Variants in TMEM132D observed in about 807,000 individuals in gnomAD.
TMEM132D encodes the protein transmembrane protein 132D.
In TMEM132D, 21 loss-of-function variants were observed where a neutral mutation model predicts 62.3. The ratio of observed to expected loss-of-function variants is 0.34; its 90% confidence interval spans 0.24 to 0.49. The LOEUF (loss-of-function observed/expected upper bound fraction) is 0.49, where lower values mean the gene tolerates loss of function less well. Among genes scored for constraint, TMEM132D ranks in the 20% least tolerant of loss-of-function variants. The pLI is 0.99. For synonymous variants in TMEM132D, 621 were observed against 575.6 expected (o/e 1.08, Z -1.13); for missense variants, 1,346 against 1,402.8 (o/e 0.96, Z 0.65).
rs186070559 is a variant in TMEM132D at position 129,801,129 on chromosome 12, G to C, written c.80-100431C>G. Among the ~76,000 whole-genome samples, 1,168 of 152,326 alleles carry C rather than the reference G, an allele frequency of 7.7e-3. 21 individuals carry two copies. The highest frequency in any genetic ancestry group is 0.027 in the African/African-American group (1,126 of 41,576). ...AGATCAAACTGCAAGGCAGCAGCGAGGTTGGGGGAGGGGCGCCCGCCATTG... is the reference window on the plus strand; with the variant it reads ...AGATCAAACTGCAAGGCAGCAGCGACGTTGGGGGAGGGGCGCCCGCCATTG... On this transcript the variant is annotated intron_variant, in intron 1 of 8. Transcript: ENST00000422113.
At chr12:129,360,584 C>T (rs777231277) in intron 3 of TMEM132D, among the ~76,000 whole-genome samples, 3 of 152,142 alleles carry the variant, frequency 2.0e-5, no homozygotes, top group Non-Finnish European at 4.4e-5. Context: ...TAGCCACACC[C>T]ACCTTCCATC....
At chr12:129,646,296 C>T (rs1223264493) in intron 2 of TMEM132D, among the ~76,000 whole-genome samples, 1 of 152,120 alleles carries the variant, frequency 6.6e-6, no homozygotes, top group African/African-American at 2.4e-5. Context: ...ATTATTTTAC[C>T]CACTTTGCAG....
At chr12:129,603,057 T>C (rs893654779) in intron 2 of TMEM132D, among the ~76,000 whole-genome samples, 22 of 152,094 alleles carry the variant, frequency 1.4e-4, no homozygotes, top group African/African-American at 5.3e-4. Context: ...CACATGGGGA[T>C]TATGGGAACT....
At chr12:129,368,412 G>A (rs1008645888) in intron 3 of TMEM132D, among the ~76,000 whole-genome samples, 10 of 152,036 alleles carry the variant, frequency 6.6e-5, no homozygotes, top group Non-Finnish European at 1.0e-4. Context: ...CTATAACCAC[G>A]TCTTTTGCAT....
chr12:129,740,551 T>C (rs1315678676), intron 1 of TMEM132D, among the ~76,000 whole-genome samples: 1 of 152,176 alleles, frequency 6.6e-6, no homozygotes, highest in African/African-American at 2.4e-5. Flanking sequence ...ATCATTCAGG[T>C]GTAAGTATCT....
intron 3 of TMEM132D, among the ~76,000 whole-genome samples, chr12:129,359,262 C>G (rs888676640): frequency 6.6e-6 from 1 of 151,880 alleles, no homozygotes; most frequent in Non-Finnish European, 1.5e-5. Flanking sequence ...AGGGGCTGGG[C>G]CGGGGGACAA....
intron 5 of TMEM132D, among the ~76,000 whole-genome samples, chr12:129,094,155 G>A (rs1875022332): frequency 6.6e-6 from 1 of 152,120 alleles, no homozygotes. Context: ...CAAAAGCAAT[G>A]GCAGCAAAAG....
intron 1 of TMEM132D, among the ~76,000 whole-genome samples, chr12:129,855,314 C>T (rs1873702501): frequency 1.2e-5 from 1 of 80,198 alleles, no homozygotes; most frequent in East Asian, 3.7e-4. Context: ...TAACAGAGTC[C>T]GGGGGAACGG....
rs1218315806 is a variant in TMEM132D at position 129,216,944 on chromosome 12, A to T, written c.1300-7281T>A. On this transcript the variant is annotated intron_variant, in intron 4 of 8. Coordinates refer to ENST00000422113, the MANE Select transcript of TMEM132D (RefSeq NM_133448.3). ...GGTCTTAAGCCAAAACGAGTAAGTT[A>T]AATTGACTTATTTAAATTGACTTAT... is the stretch of plus-strand genomic sequence containing the variant. Among the ~76,000 whole-genome samples, 11 of 152,328 alleles carry T rather than the reference A, an allele frequency of 7.2e-5. No homozygotes were observed. The South Asian group carries it at 1.9e-3, about 26-fold the overall frequency.
intron 2 of TMEM132D, among the ~76,000 whole-genome samples, chr12:129,560,087 A>T (rs1047787781): frequency 3.3e-5 from 5 of 152,228 alleles, no homozygotes; most frequent in African/African-American, 7.2e-5. Flanking sequence ...TCTATGGGCA[A>T]CCACATAAAG....
intron 4 of TMEM132D, among the ~76,000 whole-genome samples, chr12:129,298,177 C>T (rs181092394): frequency 5.3e-5 from 8 of 152,098 alleles, no homozygotes; most frequent in South Asian, 2.1e-4. Context: ...AGAAGACAAA[C>T]GAATTACAAG....
intron 4 of TMEM132D, among the ~76,000 whole-genome samples, chr12:129,306,820 A>G (rs543605598): frequency 6.6e-6 from 1 of 152,290 alleles, no homozygotes; most frequent in South Asian, 2.1e-4. Flanking sequence ...GGCAGAGCAA[A>G]TCTAGACAAC....
rs1875415629 is a variant in TMEM132D, at chr12:129,903,032, C to A, written c.79+229G>T. On this transcript the variant is annotated intron_variant, in intron 1 of 8. Transcript: ENST00000422113. This position sits in a 1 kb window ranked among gnomAD's most constrained non-coding sequence, Gnocchi z 6.2. Reference sequence around the variant, plus strand: ...GGCTCCTTAGTAGTCTCACCTAAGGCCTCCCACCCAAGTGCTCCAGGACAA... The same window carrying A: ...GGCTCCTTAGTAGTCTCACCTAAGGACTCCCACCCAAGTGCTCCAGGACAA... Among the ~76,000 whole-genome samples the A allele has an allele frequency of 6.6e-6, 1 of 152,200 alleles. No homozygotes were observed. Among genetic ancestry groups the A allele is most frequent in the Admixed American group, 6.5e-5 (1 of 15,288 alleles).
intron 3 of TMEM132D, among the ~76,000 whole-genome samples, chr12:129,516,221 C>A (rs1875670029): frequency 6.6e-6 from 1 of 152,198 alleles, no homozygotes. Flanking sequence ...TTAATCATTT[C>A]ACTTTCCTCA....
intron 1 of TMEM132D, among the ~76,000 whole-genome samples, chr12:129,753,053 T>C (rs1870050275): frequency 1.3e-5 from 2 of 152,220 alleles, no homozygotes; most frequent in Non-Finnish European, 1.5e-5. Context: ...GCCCTTGTTA[T>C]ATGTGACTTT....
intron 5 of TMEM132D, among the ~76,000 whole-genome samples, chr12:129,195,902 G>A (rs1296147481): frequency 2.0e-5 from 3 of 152,176 alleles, no homozygotes; most frequent in Non-Finnish European, 2.9e-5. Context: ...CAAGATGGGC[G>A]GGTCACTTGA....
intron 5 of TMEM132D, among the ~76,000 whole-genome samples, chr12:129,104,345 A>G (rs534980036): frequency 4.6e-4 from 70 of 152,054 alleles, no homozygotes; most frequent in African/African-American, 1.6e-3. Flanking sequence ...CCATATGTAG[A>G]AAGCTGAAAC....
intron 4 of TMEM132D, among the ~76,000 whole-genome samples, chr12:129,327,461 C>T (rs1868951935): frequency 1.3e-5 from 2 of 152,218 alleles, no homozygotes; most frequent in Non-Finnish European, 2.9e-5. Flanking sequence ...CTCAGTGACA[C>T]AATCCACATT....
intron 2 of TMEM132D, among the ~76,000 whole-genome samples, chr12:129,547,737 G>A (rs1463597469): frequency 2.0e-5 from 3 of 152,142 alleles, no homozygotes. Flanking sequence ...GTGTGCTGTT[G>A]GAGTGAAAAA....
Sources: allele counts gnomAD v4.1 joint callset (sites outside exome capture counted in the v4.1 genomes callset), GRCh38; gene constraint gnomAD v4.1.1; non-coding constraint Gnocchi (gnomAD v3.1); transcripts MANE v1.5; gene names NCBI Gene and HGNC (gene_info 2026-07-23, HGNC 2026-07-21).